Variants in CHN1 observed in about 807,000 individuals in gnomAD.
CHN1 encodes the protein chimerin 1, also known as N-chimaerin.
In CHN1, 37 loss-of-function variants were observed where a neutral mutation model predicts 59.5. The observed-to-expected ratio is 0.62, with a 90% CI of 0.48 to 0.82. The LOEUF (loss-of-function observed/expected upper bound fraction) is 0.82. Among genes scored for constraint, CHN1 ranks in the 40% least tolerant of loss-of-function variants. The pLI is 0.00. For missense variants in CHN1, 469 were observed against 571.0 expected (o/e 0.82, Z 1.82); for synonymous variants, 206 against 200.4 (o/e 1.03, Z -0.24).
chr2:174,988,249 C>T (rs552480057), intron 1 of CHN1, among the ~76,000 whole-genome samples: 13 of 150,748 alleles, frequency 8.6e-5, no homozygotes, highest in South Asian at 2.1e-4. Flanking sequence ...CCCAGCTACA[C>T]GGGAGGCTGA....
intron 3 of CHN1, among the ~76,000 whole-genome samples, chr2:174,938,450 T>C (rs562958525): frequency 1.3e-5 from 2 of 152,332 alleles, no homozygotes; most frequent in South Asian, 4.1e-4. Context: ...CCCATGTCTC[T>C]ATTTGTAAAT....
At chr2:174,842,128 C>T (rs1686326999) in intron 7 of CHN1, among the ~76,000 whole-genome samples, 1 of 152,054 alleles carries the variant, frequency 6.6e-6, no homozygotes, top group Non-Finnish European at 1.5e-5. Context: ...AAAGGTCCCC[C>T]GCATGTCACA....
rs552328213 is a variant in CHN1 at position 174,899,342 on chromosome 2, T to C, written c.260+15716A>G. Among the ~76,000 whole-genome samples the C allele has an allele frequency of 3.3e-5, 5 of 152,310 alleles. No individual in the cohort carries two copies. In the South Asian group the frequency reaches 1.0e-3, roughly 32 times the overall value. On this transcript the variant is annotated intron_variant, in intron 5 of 12. Coordinates refer to ENST00000409900, the MANE Select transcript of CHN1 (RefSeq NM_001822.7). ...CAAAGTGAAAATAAAAACACTTACA[T>C]CCTGTGAATATCTTCTTGTCCCTGT...
chr2:174,872,571 CATT>C (rs1355512698), intron 6 of CHN1, among the ~76,000 whole-genome samples: 1 of 152,108 alleles, frequency 6.6e-6, no homozygotes, highest in Non-Finnish European at 1.5e-5. Flanking sequence ...CCTTAAAAGT[CATT>C]AGAGAATTAT....
chr2:174,858,009 G>A (rs1464419807), intron 6 of CHN1, among the ~76,000 whole-genome samples: 4 of 151,990 alleles, frequency 2.6e-5, no homozygotes, highest in African/African-American at 9.7e-5. Context: ...ATTTTAAACT[G>A]CTATATGAGG....
At chr2:174,977,246 C>A (rs1217795455) in intron 1 of CHN1, among the ~76,000 whole-genome samples, 1 of 152,148 alleles carries the variant, frequency 6.6e-6, no homozygotes, top group Non-Finnish European at 1.5e-5. Flanking sequence ...AAACTCTGAC[C>A]AGCTTGTCAA....
At chr2:174,945,931 GTA>G (rs869242436) in intron 2 of CHN1, among the ~76,000 whole-genome samples, 19 of 149,110 alleles carry the variant, frequency 1.3e-4, no homozygotes, top group African/African-American at 2.2e-4. Context: ...GTGTGTGTGT[GTA>G]TATATATATA....
At chr2:174,845,154 G>A (rs1344673189) in intron 7 of CHN1, among the ~76,000 whole-genome samples, 2 of 152,140 alleles carry the variant, frequency 1.3e-5, no homozygotes, top group Non-Finnish European at 2.9e-5. Flanking sequence ...AGACCTCCTA[G>A]TTGCTCTTAA....
rs2105333618 is a variant in CHN1, at chr2:174,877,865, C to A, written c.524G>T (p.Gly175Val). ...CCTTTTCTCTGACACCCCATCCTGG[C>A]CTGTAGAATCTCTCTCATCATGTGT... ...KETHDERDST[G>V]QDGVSEKRLT... The change falls in exon 6 of 13, where the codon GGC becomes GTC. Residue 175 changes from glycine to valine, a missense_variant. Transcript: ENST00000409900. The A allele has an allele frequency of 6.2e-7, 1 of 1,613,372 alleles. No homozygotes were observed. The highest frequency in any genetic ancestry group is 8.5e-7 in the Non-Finnish European group (1 of 1,179,548).
chr2:174,896,272 A>C (rs897778408), intron 5 of CHN1, among the ~76,000 whole-genome samples: 2 of 152,130 alleles, frequency 1.3e-5, no homozygotes, highest in African/African-American at 4.8e-5. Context: ...TAAAGATTAC[A>C]CTTATAAAAG....
At position 174,878,076 on chromosome 2, in the gene CHN1, C is replaced by G; in HGVS notation, c.313G>C (p.Val105Leu). The change falls in exon 6 of 13, where the codon GTT becomes CTT. Residue 105 changes from valine to leucine, a missense_variant. Physicochemically the swap from Val to Leu is conservative, Grantham distance 32 (BLOSUM62 1). Transcript: ENST00000409900. ...FRLYYDGKHF[V>L]GEKRFESIHD... ...ATGGACTCAAAGCGTTTCTCCCCAA[C>G]AAAGTGCTTGCCATCGTAGTAGAGC... 1 of 1,611,574 alleles carries G rather than the reference C, an allele frequency of 6.2e-7. No individual in the cohort carries two copies. Among genetic ancestry groups the G allele is most frequent in the Non-Finnish European group, 8.5e-7 (1 of 1,178,320 alleles).
At chr2:174,940,937 A>G (rs1392283260) in intron 3 of CHN1, among the ~76,000 whole-genome samples, 6 of 152,148 alleles carry the variant, frequency 3.9e-5, no homozygotes, top group Admixed American at 6.5e-5. Flanking sequence ...TTGTAATTTT[A>G]TATTTTTTCT....
At chr2:174,999,635 G>A (rs1016968384) in intron 1 of CHN1, among the ~76,000 whole-genome samples, 6 of 152,258 alleles carry the variant, frequency 3.9e-5, no homozygotes, top group African/African-American at 1.4e-4. Flanking sequence ...TATAAAACAT[G>A]TATTCTCAAT....
At chr2:174,907,204 T>A (rs1470347122) in intron 5 of CHN1, among the ~76,000 whole-genome samples, 1 of 152,178 alleles carries the variant, frequency 6.6e-6, no homozygotes, top group Non-Finnish European at 1.5e-5. Flanking sequence ...TCTCAAAGTG[T>A]GTTCCACTGA....
chr2:174,837,494 CTTTTAAT>C (rs370723128), intron 7 of CHN1, among the ~76,000 whole-genome samples: 46 of 152,260 alleles, frequency 3.0e-4, no homozygotes, highest in African/African-American at 9.9e-4. Context: ...TAGATGTGTT[CTTTTAAT>C]TTTTAAGTCT....
intron 1 of CHN1, among the ~76,000 whole-genome samples, chr2:174,981,714 T>C (rs949561339): frequency 6.6e-6 from 1 of 152,190 alleles, no homozygotes; most frequent in Admixed American, 6.5e-5. Context: ...AGGAAGCAAT[T>C]GTAAATATTT....
chr2:174,956,204 A>G (rs953358680), intron 1 of CHN1, among the ~76,000 whole-genome samples: 11 of 152,204 alleles, frequency 7.2e-5, no homozygotes, highest in Non-Finnish European at 1.6e-4. Flanking sequence ...AAAATGTTGA[A>G]GAAAGAAAAA....
At chr2:174,807,050 G>A (rs1281218289) in intron 11 of CHN1, among the ~76,000 whole-genome samples, 1 of 152,186 alleles carries the variant, frequency 6.6e-6, no homozygotes, top group Non-Finnish European at 1.5e-5. Context: ...TCTGAGGGGT[G>A]AGATAAGGGG....
rs77443441 is a variant in CHN1, at chr2:174,835,161, T to C, written c.628-10643A>G. Among the ~76,000 whole-genome samples, 1,472 of 152,306 alleles carry C rather than the reference T, an allele frequency of 9.7e-3. 22 individuals carry two copies. Among genetic ancestry groups the C allele is most frequent in the African/African-American group, 0.033 (1,387 of 41,558 alleles). On this transcript the variant is annotated intron_variant, in intron 7 of 12. Coordinates refer to ENST00000409900, the MANE Select transcript of CHN1 (RefSeq NM_001822.7). ...TATCCAGATGTAATCCAATCCTAAA[T>C]CCAGGACTGTACTGAATGAATATTG...
Sources: gnomAD v4.1 joint callset for allele counts (sites outside exome capture counted in the v4.1 genomes callset) on GRCh38, gnomAD v4.1.1 for gene constraint, MANE v1.5 for transcripts, NCBI Gene and HGNC (gene_info 2026-07-23, HGNC 2026-07-21) for gene names.